Variants in EPHA6 observed in about 807,000 individuals in gnomAD.
EPHA6 encodes the protein EPH receptor A6.
EPHA6 carries 50 observed loss-of-function variants against 112.0 expected under a neutral mutation model. The ratio of observed to expected loss-of-function variants is 0.45; its 90% CI spans 0.36 to 0.56. The LOEUF (loss-of-function observed/expected upper bound fraction) is 0.56, where lower values mean the gene tolerates loss of function less well. EPHA6 is among the 20% of genes least tolerant of loss of function. EPHA6 has a pLI of 0.00. For missense variants in EPHA6, 1,280 were observed against 1,417.4 expected (o/e 0.90, Z 1.56); for synonymous variants, 529 against 490.7 (o/e 1.08, Z -1.03).
In EPHA6 at chr3:97,754,867, C is replaced by A. The variant is rs1480908880; in HGVS notation, c.*6166C>A. 6.6e-6 allele frequency among the ~76,000 whole-genome samples: 1 copy of A among 152,176 alleles called. No individual in the cohort carries two copies. The highest frequency in any genetic ancestry group is 1.5e-5 in the Non-Finnish European group (1 of 68,026). ...TACAGGCGTCCGTCACCACGCCCGG[C>A]TAATTTTTTGTATTTTTAGTAGAGA... On this transcript the variant is annotated 3_prime_UTR_variant, in exon 18 of 18. Coordinates refer to ENST00000389672, the MANE Select transcript of EPHA6 (RefSeq NM_001080448.3).
chr3:97,626,842 G>C (rs953122357), intron 13 of EPHA6, among the ~76,000 whole-genome samples: 1 of 151,778 alleles, frequency 6.6e-6, no homozygotes, highest in African/African-American at 2.4e-5. Flanking sequence ...TTTCTCTGGA[G>C]AGCAGGTTTA....
intron 3 of EPHA6, among the ~76,000 whole-genome samples, chr3:97,105,097 T>C (rs2047524841): frequency 6.6e-6 from 1 of 151,536 alleles, no homozygotes; most frequent in Non-Finnish European, 1.5e-5. Flanking sequence ...ACTCCTCGAT[T>C]TCTTTGCCTT....
intron 13 of EPHA6, among the ~76,000 whole-genome samples, chr3:97,617,398 C>G (rs762616039): frequency 6.6e-6 from 1 of 152,012 alleles, no homozygotes; most frequent in South Asian, 2.1e-4. Context: ...GCTAGCATCA[C>G]GATGTCAGGA....
intron 2 of EPHA6, among the ~76,000 whole-genome samples, chr3:96,927,040 G>A (rs918637959): frequency 6.6e-6 from 1 of 152,220 alleles, no homozygotes; most frequent in African/African-American, 2.4e-5. Context: ...GGACATCTGA[G>A]CATTTCCATA....
At chr3:97,411,942 G>A (rs2087744975) in intron 6 of EPHA6, among the ~76,000 whole-genome samples, 1 of 152,040 alleles carries the variant, frequency 6.6e-6, no homozygotes, top group African/African-American at 2.4e-5. Flanking sequence ...TGTCTTTATA[G>A]ATAAGGATGT....
chr3:96,934,785 C>T (rs1024974975), intron 2 of EPHA6, among the ~76,000 whole-genome samples: 12 of 151,414 alleles, frequency 7.9e-5, no homozygotes, highest in Admixed American at 7.2e-4. Flanking sequence ...ATAAAATAAT[C>T]ACATAATTCA....
chr3:97,614,507 T>TA (rs1560192358), intron 13 of EPHA6, among the ~76,000 whole-genome samples: 1,435 of 81,338 alleles, frequency 0.018, 17 homozygotes, highest in African/African-American at 0.092. Context: ...GCTAATTTTT[T>TA]TTTTTTTTTT....
At chr3:97,549,335 A>G (rs1019647564) in intron 11 of EPHA6, among the ~76,000 whole-genome samples, 8 of 152,170 alleles carry the variant, frequency 5.3e-5, no homozygotes, top group Non-Finnish European at 1.2e-4. Context: ...GGAAGAGGCT[A>G]CATTAAGTGA....
At chr3:97,327,869 A>T (rs987173625) in intron 5 of EPHA6, among the ~76,000 whole-genome samples, 1 of 148,704 alleles carries the variant, frequency 6.7e-6, no homozygotes, top group African/African-American at 2.5e-5. Flanking sequence ...GTGTGTATAT[A>T]TATATGTATA....
intron 5 of EPHA6, among the ~76,000 whole-genome samples, chr3:97,278,300 G>A (rs1352807069): frequency 6.6e-6 from 1 of 152,174 alleles, no homozygotes; most frequent in Non-Finnish European, 1.5e-5. Context: ...CTACTTTGAA[G>A]TTAGGACTGG....
intron 2 of EPHA6, among the ~76,000 whole-genome samples, chr3:96,939,130 G>A (rs2040783589): frequency 6.6e-6 from 1 of 152,118 alleles, no homozygotes; most frequent in African/African-American, 2.4e-5. Flanking sequence ...TAAAGTAAGT[G>A]AGGGAGGATT....
At chr3:97,024,287 C>A (rs533041644) in intron 3 of EPHA6, among the ~76,000 whole-genome samples, 37 of 152,114 alleles carry the variant, frequency 2.4e-4, no homozygotes, top group African/African-American at 8.9e-4. Flanking sequence ...CCAAATAATG[C>A]ATTGATCTCA....
At chr3:97,678,007 T>C (rs1429615697) in intron 14 of EPHA6, among the ~76,000 whole-genome samples, 1 of 152,198 alleles carries the variant, frequency 6.6e-6, no homozygotes, top group Non-Finnish European at 1.5e-5. Context: ...TGAGGTTATT[T>C]ACTCTTAGGG....
At chr3:97,088,747 G>A (rs904777695) in intron 3 of EPHA6, among the ~76,000 whole-genome samples, 12 of 151,910 alleles carry the variant, frequency 7.9e-5, no homozygotes, top group African/African-American at 2.7e-4. Context: ...TACTTTGATC[G>A]TCAGCCTCTA....
intron 2 of EPHA6, among the ~76,000 whole-genome samples, chr3:96,894,890 T>C (rs2038179033): frequency 6.6e-6 from 1 of 152,154 alleles, no homozygotes; most frequent in Admixed American, 6.5e-5. Context: ...GTAGAAGCTT[T>C]TGCAGACCTC....
At chr3:96,885,301 G>C (rs536953788) in intron 2 of EPHA6, among the ~76,000 whole-genome samples, 3 of 152,076 alleles carry the variant, frequency 2.0e-5, no homozygotes, top group Non-Finnish European at 2.9e-5. Context: ...GAAAGGATTG[G>C]TACCAATTCT....
intron 3 of EPHA6, among the ~76,000 whole-genome samples, chr3:97,117,272 G>T (rs1373658501): frequency 6.6e-6 from 1 of 151,488 alleles, no homozygotes; most frequent in South Asian, 2.1e-4. Context: ...CATTCTCTAG[G>T]TTTTTTCTTT....
intron 3 of EPHA6, among the ~76,000 whole-genome samples, chr3:97,062,732 T>A (rs2046061086): frequency 6.6e-6 from 1 of 152,170 alleles, no homozygotes; most frequent in Admixed American, 6.5e-5. Flanking sequence ...CATTCTCTCT[T>A]GCCTGTCACC....
At chr3:96,830,256 A>G (rs1464926737) in intron 1 of EPHA6, among the ~76,000 whole-genome samples, 2 of 152,140 alleles carry the variant, frequency 1.3e-5, no homozygotes, top group African/African-American at 4.8e-5. Flanking sequence ...TTGTGCTTAC[A>G]GAGGATATTT....
Sources: allele counts gnomAD v4.1 joint callset (sites outside exome capture counted in the v4.1 genomes callset), GRCh38; gene constraint gnomAD v4.1.1; transcripts MANE v1.5; gene names NCBI Gene and HGNC (gene_info 2026-07-23, HGNC 2026-07-21).